TSPEAR: variants seen among roughly 807,000 people sequenced by gnomAD.
The protein encoded by TSPEAR is thrombospondin type laminin G domain and EAR repeats, also known as thrombospondin-type laminin G domain and EAR repeat-containing protein.
TSPEAR carries 69 observed loss-of-function variants against 71.6 expected under a neutral mutation model. That is an observed-to-expected ratio of 0.96 (90% CI 0.79 to 1.18). TSPEAR has a LOEUF of 1.18. Among genes scored for constraint, TSPEAR ranks in the 50% most tolerant of loss-of-function variants. TSPEAR has a pLI of 0.00. For missense variants in TSPEAR, 971 were observed against 894.9 expected (o/e 1.09, Z -1.09); for synonymous variants, 402 against 387.2 (o/e 1.04, Z -0.45).
intron 1 of TSPEAR, among the ~76,000 whole-genome samples, chr21:44,652,189 T>C (rs1219027573): frequency 6.6e-6 from 1 of 152,172 alleles, no homozygotes; most frequent in African/African-American, 2.4e-5. Flanking sequence ...TTCACTGTGT[T>C]AGCCAGGATG....
chr21:44,602,354 G>A (rs1981001829), intron 1 of TSPEAR, among the ~76,000 whole-genome samples: 1 of 152,218 alleles, frequency 6.6e-6, no homozygotes, highest in Non-Finnish European at 1.5e-5. Context: ...AGGGATGGGA[G>A]AGGTGAGGGA....
chr21:44,528,803 G>T (rs1195238128), intron 5 of TSPEAR, among the ~76,000 whole-genome samples: 2 of 152,212 alleles, frequency 1.3e-5, no homozygotes, highest in Non-Finnish European at 2.9e-5. Flanking sequence ...CCCCCTATAT[G>T]GTCAGCCCAC....
chr21:44,503,205 GA>G (rs782013052), intron 11 of TSPEAR, among the ~76,000 whole-genome samples: 166 of 135,638 alleles, frequency 1.2e-3, no homozygotes, highest in Non-Finnish European at 1.5e-3. Context: ...CCACAGGGGG[GA>G]AGCAAGGCGC....
At chr21:44,571,664 G>A (rs2053798990) in intron 1 of TSPEAR, among the ~76,000 whole-genome samples, 1 of 152,204 alleles carries the variant, frequency 6.6e-6, no homozygotes, top group African/African-American at 2.4e-5. Context: ...GTCAGGGAGG[G>A]ACAGCGTGTT....
rs587605546 is a variant in TSPEAR, at chr21:44,655,273, C to T, written c.82+56160G>A. Among the ~76,000 whole-genome samples the T allele has an allele frequency of 3.3e-5, 5 of 152,248 alleles. No homozygotes were observed. In the South Asian group the frequency reaches 8.3e-4, roughly 25 times the overall value. On this transcript the variant is annotated intron_variant, in intron 1 of 11. Transcript: ENST00000323084. ...TGCAGAGGTGCAGGGATCTGGACTGCTTAGTTTCACTCTGGGATCCATGGT... is the reference window on the plus strand; with the variant it reads ...TGCAGAGGTGCAGGGATCTGGACTGTTTAGTTTCACTCTGGGATCCATGGT...
In TSPEAR at chr21:44,689,006, T is replaced by C. The variant is rs144096262; in HGVS notation, c.82+22427A>G. 4.4e-4 allele frequency among the ~76,000 whole-genome samples: 67 copies of C among 152,106 alleles called. No homozygotes were observed. The Middle Eastern group carries it at 0.014, about 31-fold the overall frequency. ...GATGGATGGACCTGCGCCCCGAGCA[T>C]AGAGCACCAGGCCAACCTCCCCACT... On this transcript the variant is annotated intron_variant, in intron 1 of 11. Coordinates refer to ENST00000323084, the MANE Select transcript of TSPEAR (RefSeq NM_144991.3).
intron 2 of TSPEAR, among the ~76,000 whole-genome samples, chr21:44,542,616 G>C (rs2053238801): frequency 6.6e-6 from 1 of 151,618 alleles, no homozygotes; most frequent in South Asian, 2.1e-4. Flanking sequence ...CACTTTGGTG[G>C]TACATTTGTA....
intron 1 of TSPEAR, among the ~76,000 whole-genome samples, chr21:44,707,980 G>A (rs1205107984): frequency 1.6e-5 from 1 of 62,930 alleles, no homozygotes; most frequent in Non-Finnish European, 3.1e-5. Context: ...TGTGCCCCCC[G>A]ATTCCCCCCC....
At chr21:44,513,666 G>A (rs1050771013) in intron 9 of TSPEAR, among the ~76,000 whole-genome samples, 25 of 152,202 alleles carry the variant, frequency 1.6e-4, no homozygotes, top group Non-Finnish European at 3.5e-4. Flanking sequence ...GGGCGGGTGG[G>A]CACCCGGTAA....
chr21:44,537,256 T>C (rs1276027128), intron 2 of TSPEAR, among the ~76,000 whole-genome samples: 2 of 150,638 alleles, frequency 1.3e-5, no homozygotes, highest in African/African-American at 4.9e-5. Flanking sequence ...AGTTTCCTCC[T>C]ACATATTTAA....
chr21:44,631,911 C>T (rs587676629), intron 1 of TSPEAR, among the ~76,000 whole-genome samples: 3 of 151,986 alleles, frequency 2.0e-5, no homozygotes, highest in East Asian at 3.9e-4. Flanking sequence ...TTGCCAGGTG[C>T]CTGGGGGGAG....
intron 2 of TSPEAR, chr21:44,558,101 G>A (rs781824047): frequency 1.9e-6 from 3 of 1,610,252 alleles, no homozygotes; most frequent in Non-Finnish European, 2.5e-6. Context: ...CGGAAGAGAG[G>A]CGGGAGCACG....
intron 2 of TSPEAR, among the ~76,000 whole-genome samples, chr21:44,564,325 C>A (rs2053676049): frequency 6.6e-6 from 1 of 152,130 alleles, no homozygotes; most frequent in African/African-American, 2.4e-5. Flanking sequence ...ATAACCCAGT[C>A]AAAAGGCAGA....
At chr21:44,631,243 G>A (rs1465582034) in intron 1 of TSPEAR, among the ~76,000 whole-genome samples, 1 of 152,162 alleles carries the variant, frequency 6.6e-6, no homozygotes, top group Non-Finnish European at 1.5e-5. Context: ...AACCAAGAGA[G>A]AATATCAATA....
At chr21:44,677,661 C>T (rs1477751428) in intron 1 of TSPEAR, 2 of 1,327,924 alleles carry the variant, frequency 1.5e-6, no homozygotes, top group East Asian at 4.6e-5. Flanking sequence ...CACTGTATCA[C>T]CTGCGGTTGC....
chr21:44,696,115 G>GT (rs1359620940), intron 1 of TSPEAR, among the ~76,000 whole-genome samples: 15 of 152,148 alleles, frequency 9.9e-5, no homozygotes, highest in Admixed American at 9.8e-4. Flanking sequence ...TCACAATAAT[G>GT]TTTTTTCACA....
chr21:44,628,921 C>T (rs137913938), intron 1 of TSPEAR, among the ~76,000 whole-genome samples: 1,634 of 149,338 alleles, frequency 0.011, 11 homozygotes, highest in Non-Finnish European at 0.016. Flanking sequence ...CTCCAGAGCT[C>T]CCTGTGCTGG....
At chr21:44,693,558 A>G (rs1337873677) in intron 1 of TSPEAR, among the ~76,000 whole-genome samples, 1 of 152,344 alleles carries the variant, frequency 6.6e-6, no homozygotes, top group Admixed American at 6.5e-5. Flanking sequence ...CAATAAGTAC[A>G]TGAAAAGATG....
chr21:44,552,026 C>A (rs2053450576), intron 2 of TSPEAR, among the ~76,000 whole-genome samples: 1 of 152,222 alleles, frequency 6.6e-6, no homozygotes, highest in African/African-American at 2.4e-5. Context: ...CAGGGAGGAC[C>A]TCCCCTCCTC....
Sources: allele counts gnomAD v4.1 joint callset (sites outside exome capture counted in the v4.1 genomes callset), GRCh38; gene constraint gnomAD v4.1.1; transcripts MANE v1.5; gene names NCBI Gene and HGNC (gene_info 2026-07-23, HGNC 2026-07-21).